ZNF532: variants seen among roughly 807,000 people sequenced by gnomAD.
ZNF532 encodes zinc finger protein 532.
A neutral mutation model predicts 89.3 loss-of-function variants in ZNF532; 22 were observed. The observed-to-expected ratio is 0.25, with a 90% CI of 0.18 to 0.35. The LOEUF (loss-of-function observed/expected upper bound fraction) is 0.35. Ranked by LOEUF, ZNF532 falls within the 10% of genes least tolerant of loss-of-function variation. The probability of loss-of-function intolerance (pLI) is 1.00; values close to 1 mark genes in which losing one functional copy is unlikely to be tolerated. For synonymous variants in ZNF532, 606 were observed against 649.6 expected (o/e 0.93, Z 1.02); for missense variants, 1,132 against 1,643.4 (o/e 0.69, Z 5.38).
At chr18:58,888,822 TATAA>T (rs2058606907) in intron 2 of ZNF532, among the ~76,000 whole-genome samples, 1 of 49,090 alleles carries the variant, frequency 2.0e-5, no homozygotes, top group African/African-American at 1.3e-4. Flanking sequence ...AAATTATATA[TATAA>T]ATTATATATA....
intron 8 of ZNF532, chr18:58,980,036 TGAGAGA>T (rs902699678): frequency 6.6e-6 from 1 of 151,742 alleles, no homozygotes. Context: ...GCATGTCTCA[TGAGAGA>T]GAGAGAGACA....
chr18:58,929,842 C>G (rs62095480), intron 3 of ZNF532, among the ~76,000 whole-genome samples: 2,231 of 152,302 alleles, frequency 0.015, 25 homozygotes, highest in South Asian at 0.029. Flanking sequence ...GAAATGCTTT[C>G]TTTGTGTTCT....
intron 3 of ZNF532, among the ~76,000 whole-genome samples, chr18:58,930,627 C>CAAAA (rs59983153): frequency 6.2e-5 from 5 of 81,180 alleles, no homozygotes; most frequent in African/African-American, 1.9e-4. Context: ...GACTCCATCT[C>CAAAA]AAAAAAAAAA....
Position 58,984,293 on chromosome 18 carries a change from CAACAGGAGAACA to C in ZNF532, c.3737_3748del (p.Gln1246_Lys1249del), listed in dbSNP as rs2068189510. Reference sequence around the variant, plus strand: ...GCAAAATGGGGCTGGGGAAGATAACCAACAGGAGAACAAACCCAGCCACGAGGATGAATCCCC... The same window carrying C: ...GCAAAATGGGGCTGGGGAAGATAACCAACCCAGCCACGAGGATGAATCCCC... On this transcript the variant is annotated inframe_deletion, in exon 10 of 10. Transcript: ENST00000591808. 6.2e-7 allele frequency: 1 copy of C among 1,611,828 alleles called. No individual in the cohort carries two copies. Among genetic ancestry groups the C allele is most frequent in the African/African-American group, 1.3e-5 (1 of 74,834 alleles).
chr18:58,869,797 C>T (rs1424720830), intron 2 of ZNF532, among the ~76,000 whole-genome samples: 7 of 127,980 alleles, frequency 5.5e-5, no homozygotes, highest in African/African-American at 1.2e-4. Context: ...GTTGGAGTCT[C>T]GCTTTGTTGT....
intron 2 of ZNF532, among the ~76,000 whole-genome samples, chr18:58,895,954 C>T (rs752081410): frequency 1.3e-5 from 2 of 151,630 alleles, no homozygotes; most frequent in Non-Finnish European, 2.9e-5. Flanking sequence ...TGGCCTCAAA[C>T]GGTCCTCCTA....
chr18:58,930,777 C>A (rs952215185), intron 3 of ZNF532, among the ~76,000 whole-genome samples: 1 of 152,050 alleles, frequency 6.6e-6, no homozygotes, highest in Non-Finnish European at 1.5e-5. Flanking sequence ...ATATAACCTG[C>A]CTGTGTCCTT....
intron 2 of ZNF532, among the ~76,000 whole-genome samples, chr18:58,910,644 T>C (rs1240386925): frequency 6.6e-6 from 1 of 151,912 alleles, no homozygotes; most frequent in East Asian, 1.9e-4. Context: ...TTTTTGTATT[T>C]GTAGTAGAGA....
rs1568248926 is a variant in ZNF532 at position 58,888,885 on chromosome 18, TATATTTTATA to T, written c.-18+23307_-18+23316del. Reference sequence around the variant, plus strand: ...ATATATATAATATATATTATATATATATATTTTATATATATATATATATATATAATTCATA... The same window carrying T: ...ATATATATAATATATATTATATATATTATATATATATATATATAATTCATA... On this transcript the variant is annotated intron_variant, in intron 2 of 9. Transcript: ENST00000591808. 4.6e-4 allele frequency among the ~76,000 whole-genome samples: 26 copies of T among 56,888 alleles called. 1 individual carries two copies. The East Asian group carries it at 7.6e-3, about 17-fold the overall frequency. 37.3% of individuals were successfully genotyped at this position (56,888 alleles called of 152,430 possible).
intron 2 of ZNF532, among the ~76,000 whole-genome samples, chr18:58,877,225 G>T (rs1255655774): frequency 1.3e-5 from 2 of 152,186 alleles, no homozygotes; most frequent in South Asian, 4.1e-4. Flanking sequence ...GGGGTTAGAA[G>T]AGCCACTTCA....
rs2068391428 is a variant in ZNF532, at chr18:58,986,414, A to G, written c.*1948A>G. On this transcript the variant is annotated 3_prime_UTR_variant, in exon 10 of 10. Transcript: ENST00000591808. ...GCTCTCTAAATCTAATGCTCGCTCT[A>G]TGTGGTTATGTACATATTGACAAAT... 2 of 152,678 alleles carry G rather than the reference A, an allele frequency of 1.3e-5. No homozygotes were observed. The highest frequency in any genetic ancestry group is 6.5e-5 in the Admixed American group (1 of 15,284). The allele number at this position is 152,678 out of a possible 1,614,324, so 9.5% of individuals were successfully genotyped here.
chr18:58,913,705 G>A (rs1205174867), intron 2 of ZNF532, among the ~76,000 whole-genome samples: 1 of 152,250 alleles, frequency 6.6e-6, no homozygotes, highest in South Asian at 2.1e-4. Context: ...AAATAAGACT[G>A]GGAATCCCAA....
At chr18:58,949,537 G>C (rs548891991) in intron 6 of ZNF532, among the ~76,000 whole-genome samples, 59 of 152,262 alleles carry the variant, frequency 3.9e-4, no homozygotes, top group African/African-American at 1.4e-3. Context: ...TCAGCTGGGC[G>C]TGGTGGTACA....
At chr18:58,966,738 GTTTTTTTTTTT>G (rs540133909) in intron 7 of ZNF532, among the ~76,000 whole-genome samples, 3 of 125,994 alleles carry the variant, frequency 2.4e-5, no homozygotes, top group African/African-American at 5.3e-5. Flanking sequence ...ATTTTTTTGT[GTTTTTTTTTTT>G]TTTTTTTTTT....
intron 3 of ZNF532, among the ~76,000 whole-genome samples, chr18:58,930,802 A>T (rs1248997229): frequency 6.6e-6 from 1 of 152,110 alleles, no homozygotes; most frequent in African/African-American, 2.4e-5. Context: ...TCATCTCAAG[A>T]TTACTTATAA....
At chr18:58,944,635 G>A (rs1432551932) in intron 5 of ZNF532, among the ~76,000 whole-genome samples, 3 of 152,048 alleles carry the variant, frequency 2.0e-5, no homozygotes, top group Non-Finnish European at 4.4e-5. Flanking sequence ...CTCTCTGCCT[G>A]GTAGCCGGTC....
intron 7 of ZNF532, among the ~76,000 whole-genome samples, chr18:58,974,652 GAAAACAC>G (rs1244085966): frequency 6.6e-6 from 1 of 152,144 alleles, no homozygotes; most frequent in Non-Finnish European, 1.5e-5. Context: ...AGTTGTGTAG[GAAAACAC>G]AAAACACATA....
intron 2 of ZNF532, among the ~76,000 whole-genome samples, chr18:58,906,822 A>T (rs999221646): frequency 2.6e-5 from 4 of 152,196 alleles, no homozygotes; most frequent in Non-Finnish European, 5.9e-5. Flanking sequence ...AATACTATGT[A>T]GGAATCTGGC....
rs2061004787 is a variant in ZNF532, at chr18:58,920,793, TG to T, written c.2346+164del. Reference sequence around the variant, plus strand: ...GTGTGTGTGTGTGTGTGTGTGTGTTTGGGGAGGGGAGGGGGAATGCCTGTGC... The same window carrying T: ...GTGTGTGTGTGTGTGTGTGTGTGTTTGGGAGGGGAGGGGGAATGCCTGTGC... On this transcript the variant is annotated intron_variant, in intron 3 of 9. Transcript: ENST00000591808. Among the ~76,000 whole-genome samples the T allele has an allele frequency of 7.1e-5, 4 of 55,988 alleles. No individual in the cohort carries two copies. The Admixed American group carries it at 8.1e-4, about 11-fold the overall frequency. The allele number at this position is 55,988 out of a possible 152,430, so 36.7% of individuals were successfully genotyped here.
Sources: allele counts gnomAD v4.1 joint callset (sites outside exome capture counted in the v4.1 genomes callset), GRCh38; gene constraint gnomAD v4.1.1; transcripts MANE v1.5; gene names NCBI Gene and HGNC (gene_info 2026-07-23, HGNC 2026-07-21).